Variants in FRAS1 observed in about 807,000 individuals in gnomAD.
FRAS1 encodes the protein extracellular matrix organizing protein FRAS1.
FRAS1 carries 290 observed loss-of-function variants against 435.2 expected under a neutral mutation model. The ratio of observed to expected loss-of-function variants is 0.67; its 90% CI spans 0.61 to 0.73. The LOEUF is 0.73. Among genes scored for constraint, FRAS1 ranks in the 30% least tolerant of loss-of-function variants. The pLI is 0.00. For synonymous variants in FRAS1, 1,800 were observed against 1,851.0 expected (o/e 0.97, Z 0.71); for missense variants, 4,860 against 5,001.5 (o/e 0.97, Z 0.85).
chr4:78,497,748 C>T (rs1720547986), intron 60 of FRAS1, among the ~76,000 whole-genome samples: 2 of 152,190 alleles, frequency 1.3e-5, no homozygotes, highest in Admixed American at 6.5e-5. Flanking sequence ...TTCATTCTGT[C>T]TGATTCTAGA....
At chr4:78,222,625 G>T (rs912835163) in intron 2 of FRAS1, among the ~76,000 whole-genome samples, 4 of 152,148 alleles carry the variant, frequency 2.6e-5, no homozygotes, top group African/African-American at 9.7e-5. Flanking sequence ...AGGTGGGATG[G>T]GTGGTAAGCT....
intron 2 of FRAS1, among the ~76,000 whole-genome samples, chr4:78,148,560 G>A (rs969899702): frequency 7.9e-5 from 12 of 152,148 alleles, no homozygotes; most frequent in African/African-American, 2.7e-4. Flanking sequence ...GCGTTCTTGA[G>A]CTTCTAAATT....
chr4:78,542,439 GT>G lies in FRAS1; in HGVS notation c.*1319del, dbSNP rs1422435544. 6.6e-6 allele frequency: 1 copy of G among 152,564 alleles called. No individual in the cohort carries two copies. The highest frequency in any genetic ancestry group is 1.5e-5 in the Non-Finnish European group (1 of 68,012). The allele number at this position is 152,564 out of a possible 1,614,324, so 9.5% of individuals were successfully genotyped here. A position where few individuals can be genotyped will look rare whatever the true frequency, so the allele number is the denominator to read the frequency against. Reference sequence around the variant, plus strand: ...GAAACATAAGCGTGCATGCCATGTTGTTTTGAATTGGAGGCACAATTTCATT... The same window carrying G: ...GAAACATAAGCGTGCATGCCATGTTGTTTGAATTGGAGGCACAATTTCATT... On this transcript the variant is annotated 3_prime_UTR_variant, in exon 74 of 74. Coordinates refer to ENST00000512123, the MANE Select transcript of FRAS1 (RefSeq NM_025074.7).
intron 20 of FRAS1, among the ~76,000 whole-genome samples, chr4:78,342,853 G>GT (rs940243034): frequency 5.3e-5 from 8 of 151,896 alleles, no homozygotes; most frequent in African/African-American, 1.9e-4. Context: ...AATTAAAATA[G>GT]TTTTTTTTGG....
At chr4:78,413,184 C>G in intron 32 of FRAS1, 99 bp downstream of exon 32, 1 of 630,940 alleles carries the variant, frequency 1.6e-6, no homozygotes, top group Non-Finnish European at 2.7e-6. Flanking sequence ...TAGTAAGTGC[C>G]TGGCCCAGAT....
chr4:78,525,167 G>A (rs1721492188), intron 69 of FRAS1, among the ~76,000 whole-genome samples: 1 of 152,176 alleles, frequency 6.6e-6, no homozygotes, highest in Admixed American at 6.5e-5. Flanking sequence ...CTTCTACTCT[G>A]TAGTGCAAGG....
At chr4:78,061,604 T>G (rs2109841475) in intron 1 of FRAS1, among the ~76,000 whole-genome samples, 1 of 152,300 alleles carries the variant, frequency 6.6e-6, no homozygotes, top group Non-Finnish European at 1.5e-5. Flanking sequence ...TATTTATGGG[T>G]GAGTTAGGGT....
At chr4:78,173,303 C>G (rs1263183110) in intron 2 of FRAS1, among the ~76,000 whole-genome samples, 1 of 152,218 alleles carries the variant, frequency 6.6e-6, no homozygotes, top group East Asian at 1.9e-4. Context: ...CCCCAAGCCT[C>G]TTGGGTTTAG....
chr4:78,537,284 G>A lies in FRAS1; in HGVS notation c.11298+84G>A, dbSNP rs567322652. The A allele has an allele frequency of 2.0e-5, 25 of 1,249,806 alleles. No individual in the cohort carries two copies. The East Asian group carries it at 5.5e-4, about 27-fold the overall frequency. 77.4% of individuals were successfully genotyped at this position (1,249,806 alleles called of 1,614,324 possible). A position where few individuals can be genotyped will look rare whatever the true frequency, so the allele number is the denominator to read the frequency against. On this transcript the variant is annotated intron_variant, in intron 72 of 73. Coordinates refer to ENST00000512123, the MANE Select transcript of FRAS1 (RefSeq NM_025074.7). ...CTATGACTTCTGCCTAAAGTAGATA[G>A]AGCTCACTCTTGATATTTTCTTCTC...
In FRAS1 at chr4:78,341,551, G is replaced by A. The variant is rs138729375; in HGVS notation, c.2422+3734G>A. Reference sequence around the variant, plus strand: ...GTCACGATTTCACCAGGTATTAATAGTATGTTAGGTTGGCTCATCTCAGAT... The same window carrying A: ...GTCACGATTTCACCAGGTATTAATAATATGTTAGGTTGGCTCATCTCAGAT... On this transcript the variant is annotated intron_variant, in intron 20 of 73. Coordinates refer to ENST00000512123, the MANE Select transcript of FRAS1 (RefSeq NM_025074.7). Among the ~76,000 whole-genome samples the A allele has an allele frequency of 6.8e-4, 104 of 152,284 alleles. 1 individual carries two copies. The Middle Eastern group carries it at 0.027, about 40-fold the overall frequency.
chr4:78,328,544 A>C (rs1729806535), intron 18 of FRAS1, among the ~76,000 whole-genome samples: 1 of 152,152 alleles, frequency 6.6e-6, no homozygotes, highest in South Asian at 2.1e-4. Context: ...TTTTGTGTTA[A>C]ACATGTCTTA....
intron 2 of FRAS1, among the ~76,000 whole-genome samples, chr4:78,221,943 A>G (rs1724069412): frequency 6.6e-6 from 1 of 152,186 alleles, no homozygotes; most frequent in Non-Finnish European, 1.5e-5. Flanking sequence ...ATCATTCCTC[A>G]ACCGTACTGG....
Position 78,422,872 on chromosome 4 carries a change from G to T in FRAS1, c.4678+872G>T, listed in dbSNP as rs537746345. 3.9e-5 allele frequency among the ~76,000 whole-genome samples: 6 copies of T among 152,304 alleles called. No homozygotes were observed. The East Asian group carries it at 7.7e-4, about 20-fold the overall frequency. ...AGGGTCCTGCAGTACCTCAGGGAAG[G>T]TTTCATGTAGCCATGGGCATGCAGG... is the stretch of plus-strand genomic sequence containing the variant. On this transcript the variant is annotated intron_variant, in intron 34 of 73. Transcript: ENST00000512123.
In FRAS1 at chr4:78,400,858, A is replaced by G. The variant is rs534834447; in HGVS notation, c.4100A>G (p.Tyr1367Cys). The G allele has an allele frequency of 2.5e-6, 4 of 1,613,766 alleles. No individual in the cohort carries two copies. In the East Asian group the frequency reaches 8.9e-5, roughly 36 times the overall value. Residue 1367 changes from tyrosine to cysteine, a missense_variant, in exon 30 of 74, where the codon TAC becomes TGC. Tyr to Cys is a radical substitution (Grantham distance 194). Coordinates refer to ENST00000512123, the MANE Select transcript of FRAS1 (RefSeq NM_025074.7). ...APGASAEEIIYKITQDYPQFG... is the reference protein window; with the variant it reads ...APGASAEEIICKITQDYPQFG... ...GGTGCCAGTGCTGAAGAAATCATCTACAAGATTACACAAGACTACCCCCAG... is the reference window on the plus strand; with the variant it reads ...GGTGCCAGTGCTGAAGAAATCATCTGCAAGATTACACAAGACTACCCCCAG...
rs1346192103 is a variant in FRAS1 at position 78,407,800 on chromosome 4, C to T, written c.4267C>T (p.His1423Tyr). 6.2e-7 allele frequency: 1 copy of T among 1,612,662 alleles called. No homozygotes were observed. ...DINEGIVWYR[H>Y]SGAPAQSDSF... ...CAATGAAGGCATCGTATGGTACAGGCACTCAGGAGCCCCAGCCCAGAGCGA... is the reference window on the plus strand; with the variant it reads ...CAATGAAGGCATCGTATGGTACAGGTACTCAGGAGCCCCAGCCCAGAGCGA... The change falls in exon 31 of 74, where the codon CAC becomes TAC. Residue 1423 changes from histidine to tyrosine, a missense_variant. Physicochemically the swap from His to Tyr is moderately conservative, Grantham distance 83. Coordinates refer to ENST00000512123, the MANE Select transcript of FRAS1 (RefSeq NM_025074.7).
chr4:78,281,860 A>G (rs754148468), intron 11 of FRAS1, among the ~76,000 whole-genome samples: 73 of 152,336 alleles, frequency 4.8e-4, no homozygotes, highest in Non-Finnish European at 8.8e-4. Context: ...CTACAGGACA[A>G]TGTTATATGG....
chr4:78,539,752 G>A (rs1178631251), intron 73 of FRAS1, among the ~76,000 whole-genome samples: 1 of 152,034 alleles, frequency 6.6e-6, no homozygotes, highest in Admixed American at 6.6e-5. Context: ...TTCTATGCTA[G>A]CCCAGCTGAT....
chr4:78,501,818 T>C (rs1720691362), intron 61 of FRAS1, among the ~76,000 whole-genome samples: 1 of 152,212 alleles, frequency 6.6e-6, no homozygotes, highest in African/African-American at 2.4e-5. Flanking sequence ...CTGAATGGTA[T>C]TGCCTAGGTC....
chr4:78,136,392 A>G (rs560772760), intron 2 of FRAS1, among the ~76,000 whole-genome samples: 30 of 152,304 alleles, frequency 2.0e-4, no homozygotes, highest in Admixed American at 5.9e-4. Flanking sequence ...AGCATTATAA[A>G]TATTAATTTG....
Sources: allele counts gnomAD v4.1 joint callset (sites outside exome capture counted in the v4.1 genomes callset), GRCh38; gene constraint gnomAD v4.1.1; transcripts MANE v1.5; gene names NCBI Gene and HGNC (gene_info 2026-07-23, HGNC 2026-07-21).